The following CNTN5 variants were observed in gnomAD, a reference collection of about 807,000 sequenced individuals.
The protein encoded by CNTN5 is contactin-5.
In CNTN5, 77 loss-of-function variants were observed where a neutral mutation model predicts 129.1. The observed-to-expected ratio is 0.60, with a 90% CI of 0.50 to 0.72. The LOEUF (loss-of-function observed/expected upper bound fraction) is 0.72. CNTN5 is among the 30% of genes least tolerant of loss of function. CNTN5 has a pLI of 0.00. For missense variants in CNTN5, 1,478 were observed against 1,328.8 expected (o/e 1.11, Z -1.75); for synonymous variants, 509 against 465.6 (o/e 1.09, Z -1.20).
Position 99,900,590 on chromosome 11 carries a change from C to CT in CNTN5, c.578-15458dup, listed in dbSNP as rs143983418. 8.4e-3 allele frequency among the ~76,000 whole-genome samples: 1,273 copies of CT among 151,472 alleles called. 13 individuals are homozygous for CT. The highest frequency in any genetic ancestry group is 0.012 in the Non-Finnish European group (838 of 67,806). On this transcript the variant is annotated intron_variant, in intron 6 of 24. Coordinates refer to ENST00000524871, the MANE Select transcript of CNTN5 (RefSeq NM_014361.4). ...ACTTGATGTTGTTGTTTAACATGAT[C>CT]TTTTTTGTTTTCAATTTATGTAATA... is the stretch of plus-strand genomic sequence containing the variant.
chr11:99,439,707 C>CAAAAAAAAA (rs376871051), intron 2 of CNTN5, among the ~76,000 whole-genome samples: 15 of 95,236 alleles, frequency 1.6e-4, no homozygotes, highest in African/African-American at 4.7e-4. Flanking sequence ...GACTCTGTCT[C>CAAAAAAAAA]AAAAAAAAAA....
intron 4 of CNTN5, among the ~76,000 whole-genome samples, chr11:99,821,023 C>T (rs868867476): frequency 2.4e-4 from 36 of 152,096 alleles, no homozygotes; most frequent in African/African-American, 8.7e-4. Context: ...GTTAGAACTC[C>T]AGAAATGTTT....
At chr11:100,047,164 A>C (rs952777196) in intron 9 of CNTN5, among the ~76,000 whole-genome samples, 1 of 152,168 alleles carries the variant, frequency 6.6e-6, no homozygotes, top group Non-Finnish European at 1.5e-5. Flanking sequence ...AAGGAACAAA[A>C]AAAACAGAAA....
chr11:99,182,556 T>A (rs1015946353), intron 1 of CNTN5, among the ~76,000 whole-genome samples: 3 of 151,986 alleles, frequency 2.0e-5, no homozygotes, highest in Non-Finnish European at 4.4e-5. Context: ...ACATGGTGAG[T>A]GTATCAAGAA....
chr11:99,200,358 T>A (rs912321079), intron 1 of CNTN5, among the ~76,000 whole-genome samples: 3 of 152,234 alleles, frequency 2.0e-5, no homozygotes, highest in Non-Finnish European at 4.4e-5. Flanking sequence ...CTCTGCACTT[T>A]GTCATTCACA....
chr11:99,579,403 G>C (rs867759941), intron 3 of CNTN5, among the ~76,000 whole-genome samples: 14 of 151,976 alleles, frequency 9.2e-5, no homozygotes, highest in Admixed American at 5.9e-4. Flanking sequence ...GGCATTGAAT[G>C]TATAAATTAC....
intron 8 of CNTN5, among the ~76,000 whole-genome samples, chr11:99,966,805 A>C (rs1010238445): frequency 6.6e-5 from 10 of 152,204 alleles, no homozygotes; most frequent in African/African-American, 2.4e-4. Flanking sequence ...CCTAATGTTG[A>C]ACAAAAAAAG....
At chr11:99,067,830 C>T (rs1438771179) in intron 1 of CNTN5, among the ~76,000 whole-genome samples, 2 of 152,112 alleles carry the variant, frequency 1.3e-5, no homozygotes, top group East Asian at 1.9e-4. Context: ...TTTGGCTGTG[C>T]CCCCACCCAA....
chr11:99,612,640 C>T (rs1028868593), intron 3 of CNTN5, among the ~76,000 whole-genome samples: 24 of 152,300 alleles, frequency 1.6e-4, no homozygotes, highest in Non-Finnish European at 1.3e-4. Context: ...GCTGCCTTTA[C>T]AAAATTGAAA....
intron 3 of CNTN5, among the ~76,000 whole-genome samples, chr11:99,677,313 A>G (rs974070422): frequency 2.1e-5 from 3 of 146,012 alleles, no homozygotes; most frequent in Non-Finnish European, 4.6e-5. Context: ...ATGCCTTTAC[A>G]TGTTCATGGG....
Position 100,308,390 on chromosome 11 carries a change from G to C in CNTN5, c.2652G>C (p.Ala884=), listed in dbSNP as rs201538528. The C allele has an allele frequency of 6.2e-7, 1 of 1,610,892 alleles. No homozygotes were observed. The highest frequency in any genetic ancestry group is 8.5e-7 in the Non-Finnish European group (1 of 1,177,864). ...GTGCTGCTCCCACAGATGTCAAGGC[G>C]ACAAGTGTGTCTGTGTCAGAGATTC... ...EPSAAPTDVK[A]TSVSVSEILV... Residue 884 remains alanine, a synonymous_variant, in exon 21 of 25, where the codon GCG becomes GCC. Transcript: ENST00000524871.
chr11:99,522,341 A>G (rs749727348), intron 2 of CNTN5, among the ~76,000 whole-genome samples: 1 of 152,152 alleles, frequency 6.6e-6, no homozygotes, highest in Non-Finnish European at 1.5e-5. Context: ...TTCATCATTA[A>G]TTGAGGTCAA....
chr11:100,236,805 A>C (rs1247687699), intron 16 of CNTN5, among the ~76,000 whole-genome samples: 3 of 151,942 alleles, frequency 2.0e-5, no homozygotes, highest in African/African-American at 4.8e-5. Flanking sequence ...TCTCTCACTG[A>C]TCTCCTACAA....
chr11:100,164,291 T>C (rs945995902), intron 13 of CNTN5, among the ~76,000 whole-genome samples: 2 of 151,860 alleles, frequency 1.3e-5, no homozygotes, highest in African/African-American at 4.8e-5. Flanking sequence ...AATGTATACT[T>C]TTAATGTGGT....
chr11:99,037,237 T>G (rs2135120599), intron 1 of CNTN5, among the ~76,000 whole-genome samples: 1 of 152,294 alleles, frequency 6.6e-6, no homozygotes, highest in South Asian at 2.1e-4. Flanking sequence ...ACCAGACTGG[T>G]TTCTCTCCCT....
chr11:100,138,615 G>GGA (rs1448412552), intron 13 of CNTN5, among the ~76,000 whole-genome samples: 2 of 152,038 alleles, frequency 1.3e-5, no homozygotes, highest in African/African-American at 2.4e-5. Flanking sequence ...TGAGTGATGG[G>GGA]GAGAGCGGTA....
rs1053019707 is a variant in CNTN5, at chr11:100,270,965, T to G, written c.2165-127T>G. 4.3e-6 allele frequency: 3 copies of G among 704,774 alleles called. No individual in the cohort carries two copies. In the African/African-American group the frequency reaches 5.3e-5, roughly 13 times the overall value. The allele number at this position is 704,774 out of a possible 1,614,324, so 43.7% of individuals were successfully genotyped here. On this transcript the variant is annotated intron_variant, in intron 17 of 24. Coordinates refer to ENST00000524871, the MANE Select transcript of CNTN5 (RefSeq NM_014361.4). ...ACTAATGACACTGGAGGTGACACCA[T>G]GACCACGTGTCGTGAGGAAATATGC...
Position 99,840,124 on chromosome 11 carries a change from C to T in CNTN5, c.278-4728C>T, listed in dbSNP as rs543508378. 5.9e-5 allele frequency among the ~76,000 whole-genome samples: 9 copies of T among 152,124 alleles called. No homozygotes were observed. The South Asian group carries it at 1.7e-3, about 28-fold the overall frequency. ...CACTTAAAAATGATGACAGTTAGGC[C>T]GGAGTCAGACTACTTCACCATGGTA... is the stretch of plus-strand genomic sequence containing the variant. On this transcript the variant is annotated intron_variant, in intron 4 of 24. Transcript: ENST00000524871.
At chr11:99,147,559 C>T (rs1304913768) in intron 1 of CNTN5, among the ~76,000 whole-genome samples, 2 of 152,162 alleles carry the variant, frequency 1.3e-5, no homozygotes, top group Non-Finnish European at 2.9e-5. Context: ...GGACAGACCA[C>T]ATCTATCACA....
Sources: allele counts gnomAD v4.1 joint callset (sites outside exome capture counted in the v4.1 genomes callset), GRCh38; gene constraint gnomAD v4.1.1; transcripts MANE v1.5; gene names NCBI Gene and HGNC (gene_info 2026-07-23, HGNC 2026-07-21).